Variants in SUN3 observed in about 807,000 individuals in gnomAD.
The protein encoded by SUN3 is Sad1 and UNC84 domain containing 3, also known as SUN domain-containing protein 3.
A neutral mutation model predicts 48.2 loss-of-function variants in SUN3; 36 were observed. The ratio of observed to expected loss-of-function variants is 0.75; its 90% CI spans 0.57 to 0.99. SUN3 has a LOEUF of 0.99. Among genes scored for constraint, SUN3 ranks in the 50% least tolerant of loss-of-function variants. The pLI is 0.00. For missense variants in SUN3, 419 were observed against 433.1 expected, an observed-to-expected ratio of 0.97 and a Z score of 0.29; for synonymous variants, 148 against 147.9, an observed-to-expected ratio of 1.00 and a Z score of 0.00.
Position 47,994,330 on chromosome 7 carries a change from C to A in SUN3, c.846G>T (p.Lys282Asn), listed in dbSNP as rs73111110. 6.2e-7 allele frequency: 1 copy of A among 1,612,918 alleles called. No individual in the cohort carries two copies. Among genetic ancestry groups the A allele is most frequent in the Non-Finnish European group, 8.5e-7 (1 of 1,179,640 alleles). The change falls in exon 8 of 10, where the codon AAG becomes AAT. Residue 282 changes from lysine to asparagine, a missense_variant. Transcript: ENST00000297325. Reference sequence around the variant, plus strand: ...AGCTTCTTACATAGACAGAAAATTCCTTGGGTGCACTGGAGATGTTTCCTG... The same window carrying A: ...AGCTTCTTACATAGACAGAAAATTCATTGGGTGCACTGGAGATGTTTCCTG... ...SPSGNISSAP[K>N]EFSVYGITKK... is the part of the protein sequence containing the mutation.
chr7:48,021,977 G>C (rs1019446845), intron 2 of SUN3, among the ~76,000 whole-genome samples: 2 of 152,082 alleles, frequency 1.3e-5, no homozygotes, highest in Admixed American at 6.6e-5. Flanking sequence ...GCTCCCATTT[G>C]TTGCAGCATT....
chr7:48,035,268 C>T, the SUN3 span, among the ~76,000 whole-genome samples: 2 of 152,132 alleles, frequency 1.3e-5, no homozygotes, highest in Admixed American at 6.5e-5. The surrounding 1 kb of genome is among the most constrained non-coding windows in gnomAD (Gnocchi z 4.0). Context: ...TCCCCACGCC[C>T]CCACACCCCT....
At chr7:48,003,325 T>C (rs1313859983) in intron 6 of SUN3, among the ~76,000 whole-genome samples, 1 of 152,218 alleles carries the variant, frequency 6.6e-6, no homozygotes, top group Admixed American at 6.5e-5. Flanking sequence ...TGTAGCCCTG[T>C]AGTATAGTTT....
At position 47,987,367 on chromosome 7, in the gene SUN3, C is replaced by T. The variant is rs766880288; in HGVS notation, c.1037G>A (p.Arg346Gln). ...WGHPKYTCLY[R>Q]FRVHGTPGKH... is the part of the protein sequence containing the mutation. ...GCCTGGTGTGCCATGGACCCTGAAT[C>T]GATATAAACAAGTATACTTCGGGTG... is the stretch of plus-strand genomic sequence containing the variant. Residue 346 changes from arginine to glutamine, a missense_variant, in exon 10 of 10, where the codon CGA (arginine) becomes CAA (glutamine). Physicochemically the swap from Arg to Gln is conservative, Grantham distance 43 (BLOSUM62 1). Transcript: ENST00000297325. 4 of 1,611,932 alleles carry T rather than the reference C, an allele frequency of 2.5e-6. No homozygotes were observed. The highest frequency in any genetic ancestry group is 2.5e-6 in the Non-Finnish European group (3 of 1,178,764).
chr7:48,026,816 C>T (rs1422284649), intron 1 of SUN3, among the ~76,000 whole-genome samples: 3 of 152,082 alleles, frequency 2.0e-5, no homozygotes, highest in Non-Finnish European at 4.4e-5. Flanking sequence ...AGAAGGCAAT[C>T]CAGGAAGAGA....
chr7:48,023,600 A>G (rs1790059768), intron 2 of SUN3, among the ~76,000 whole-genome samples: 1 of 152,202 alleles, frequency 6.6e-6, no homozygotes, highest in South Asian at 2.1e-4. Context: ...ATTAATGTAA[A>G]TGAAAATGGA....
chr7:47,993,393 AT>A (rs1200116129), intron 8 of SUN3, among the ~76,000 whole-genome samples: 1 of 152,226 alleles, frequency 6.6e-6, no homozygotes, highest in Non-Finnish European at 1.5e-5. Flanking sequence ...GACCAAAAAA[AT>A]GAAAATAATT....
intron 6 of SUN3, among the ~76,000 whole-genome samples, chr7:48,001,033 T>C (rs955272909): frequency 6.6e-6 from 1 of 152,228 alleles, no homozygotes; most frequent in African/African-American, 2.4e-5. Context: ...TCAAACATTT[T>C]TTCATTCTTT....
intron 3 of SUN3, among the ~76,000 whole-genome samples, chr7:48,015,729 T>C (rs1789792905): frequency 6.6e-6 from 1 of 152,096 alleles, no homozygotes; most frequent in African/African-American, 2.4e-5. Flanking sequence ...TGAAACCACC[T>C]TTGCAAAAAT....
chr7:48,025,829 A>G, intron 2 of SUN3, 48 bp downstream of exon 2: 1 of 1,291,728 alleles, frequency 7.7e-7, no homozygotes, highest in Non-Finnish European at 1.1e-6. Flanking sequence ...CACCAGGCAG[A>G]CATAACCTGT....
At chr7:48,035,073 A>AT in the SUN3 span, among the ~76,000 whole-genome samples, 1 of 152,050 alleles carries the variant, frequency 6.6e-6, no homozygotes, top group Non-Finnish European at 1.5e-5. This position sits in a 1 kb window ranked among gnomAD's most constrained non-coding sequence, Gnocchi z 4.0. Context: ...TTTATGTTTT[A>AT]TTTTTGTATA....
At chr7:47,990,083 G>A (rs1353512783) in intron 8 of SUN3, among the ~76,000 whole-genome samples, 2 of 152,026 alleles carry the variant, frequency 1.3e-5, no homozygotes, top group Admixed American at 6.5e-5. Flanking sequence ...CCCCCAGCCC[G>A]ACACCCGTAA....
At chr7:48,021,572 A>C (rs1254615785) in intron 2 of SUN3, among the ~76,000 whole-genome samples, 9 of 149,294 alleles carry the variant, frequency 6.0e-5, no homozygotes, top group South Asian at 2.1e-4. Flanking sequence ...AAAAAAAAAA[A>C]AAACAAACCT....
intron 8 of SUN3, among the ~76,000 whole-genome samples, chr7:47,993,006 A>G (rs1332678054): frequency 3.3e-5 from 5 of 152,072 alleles, no homozygotes; most frequent in African/African-American, 4.8e-5. Context: ...TTTAAAAAAC[A>G]ATCCCACGAG....
At chr7:48,033,164 T>C (rs1562618517), upstream of SUN3, among the ~76,000 whole-genome samples, 1 of 152,264 alleles carries the variant, frequency 6.6e-6, no homozygotes, top group Non-Finnish European at 1.5e-5. Context: ...ATTCTTATTA[T>C]AAATAAATTA....
intron 8 of SUN3, among the ~76,000 whole-genome samples, chr7:47,991,891 CCCG>C (rs2128770124): frequency 6.6e-6 from 1 of 152,266 alleles, no homozygotes; most frequent in Non-Finnish European, 1.5e-5. Flanking sequence ...CCCCTCCAGC[CCCG>C]CCTGGCCCAG....
intron 8 of SUN3, 97 bp from the exon 9 acceptor site, chr7:47,988,977 C>G (rs1788975164): frequency 2.8e-6 from 2 of 704,904 alleles, no homozygotes; most frequent in Non-Finnish European, 4.9e-6. Context: ...TGTGTGTCCA[C>G]CAGGGGCACA....
At chr7:48,025,384 T>A (rs761834361) in intron 2 of SUN3, among the ~76,000 whole-genome samples, 2 of 152,136 alleles carry the variant, frequency 1.3e-5, no homozygotes, top group Non-Finnish European at 2.9e-5. Flanking sequence ...ATACATGCCT[T>A]AAGTTGTGAA....
upstream of SUN3, among the ~76,000 whole-genome samples, chr7:48,032,690 C>G (rs1790270127): frequency 6.6e-6 from 1 of 152,226 alleles, no homozygotes; most frequent in African/African-American, 2.4e-5. Flanking sequence ...GTTGGTGGAA[C>G]CCTGGTGAGA....
Sources: allele counts gnomAD v4.1 joint callset (sites outside exome capture counted in the v4.1 genomes callset), GRCh38; gene constraint gnomAD v4.1.1; non-coding constraint Gnocchi (gnomAD v3.1); transcripts MANE v1.5; gene names NCBI Gene and HGNC (gene_info 2026-07-23, HGNC 2026-07-21).